Variants in CUL3 observed in about 807,000 individuals in gnomAD.
CUL3 encodes cullin 3, also known as cullin-3.
CUL3 carries 19 observed loss-of-function variants against 89.1 expected under a neutral mutation model. The observed-to-expected ratio is 0.21, with a 90% CI of 0.15 to 0.31. The LOEUF is 0.31. CUL3 is among the 10% of genes least tolerant of loss of function. The pLI, the probability that CUL3 is intolerant of heterozygous loss-of-function variation, is 1.00. For missense variants in CUL3, 469 were observed against 942.3 expected, an observed-to-expected ratio of 0.50 and a Z score of 6.58; for synonymous variants, 351 against 308.4, an observed-to-expected ratio of 1.14 and a Z score of -1.45.
At chr2:224,476,990 G>C (rs886357721) in intron 15 of CUL3, among the ~76,000 whole-genome samples, 6 of 151,970 alleles carry the variant, frequency 3.9e-5, no homozygotes, top group African/African-American at 1.4e-4. Context: ...CCACTTTCAC[G>C]AGTCCAATGA....
intron 4 of CUL3, among the ~76,000 whole-genome samples, chr2:224,514,124 T>C (rs879335677): frequency 3.2e-4 from 49 of 152,252 alleles, no homozygotes; most frequent in Admixed American, 3.2e-3. Flanking sequence ...AATCATGCAT[T>C]TCAAGCCACT....
chr2:224,472,064 TAAAC>T lies in CUL3; in HGVS notation c.*2177_*2180del, dbSNP rs2106127770. On this transcript the variant is annotated 3_prime_UTR_variant, in exon 16 of 16. Transcript: ENST00000264414. Reference sequence around the variant, plus strand: ...AATAATACTTATGCAGTCAAACATATAAACATTTTGTGTGACCAGTTTTTTCAGT... The same window carrying T: ...AATAATACTTATGCAGTCAAACATATATTTTGTGTGACCAGTTTTTTCAGT... 3 of 230,704 alleles carry T rather than the reference TAAAC, an allele frequency of 1.3e-5. No individual in the cohort carries two copies. In the East Asian group the frequency reaches 1.9e-4, roughly 14 times the overall value. The allele number at this position is 230,704 out of a possible 1,614,324, so 14.3% of individuals were successfully genotyped here. A position where few individuals can be genotyped will look rare whatever the true frequency, so the allele number is the denominator to read the frequency against.
chr2:224,521,738 C>T (rs768789809), intron 3 of CUL3, among the ~76,000 whole-genome samples: 16 of 151,538 alleles, frequency 1.1e-4, no homozygotes, highest in African/African-American at 1.9e-4. Flanking sequence ...TTTATTAGTA[C>T]TTATTCATCT....
intron 3 of CUL3, among the ~76,000 whole-genome samples, chr2:224,520,360 C>T (rs909658255): frequency 6.6e-6 from 1 of 152,218 alleles, no homozygotes; most frequent in Non-Finnish European, 1.5e-5. Context: ...CCTCATGCCC[C>T]CCTTTTCACA....
chr2:224,506,195 T>C (rs763042133), intron 7 of CUL3, 63 bp from the exon 8 acceptor site: 2 of 1,060,552 alleles, frequency 1.9e-6, no homozygotes, highest in Non-Finnish European at 2.6e-6. Context: ...AATACACTTA[T>C]GACCATGTAT....
At chr2:224,522,492 C>T (rs1693303971) in intron 3 of CUL3, among the ~76,000 whole-genome samples, 1 of 152,096 alleles carries the variant, frequency 6.6e-6, no homozygotes, top group African/African-American at 2.4e-5. Flanking sequence ...GGTAGAGAAG[C>T]ATATGATATG....
chr2:224,476,130 T>A (rs1282516764), intron 15 of CUL3, among the ~76,000 whole-genome samples: 2 of 151,920 alleles, frequency 1.3e-5, no homozygotes, highest in Non-Finnish European at 2.9e-5. Context: ...TTCAAGCAAT[T>A]CTCCTGCCTC....
intron 1 of CUL3, among the ~76,000 whole-genome samples, chr2:224,569,336 C>A (rs989488337): frequency 6.6e-6 from 1 of 152,156 alleles, no homozygotes; most frequent in Non-Finnish European, 1.5e-5. Context: ...CCCAAGAAGG[C>A]CAAGTTACAA....
chr2:224,574,691 T>C (rs753304265), intron 1 of CUL3, among the ~76,000 whole-genome samples: 10 of 152,200 alleles, frequency 6.6e-5, no homozygotes, highest in Non-Finnish European at 1.5e-4. Context: ...AACAGAATTA[T>C]AGTTGAAAAT....
intron 2 of CUL3, chr2:224,556,220 G>A (rs1337667019): frequency 3.9e-5 from 6 of 152,058 alleles, no homozygotes; most frequent in Admixed American, 3.9e-4. Context: ...AAAGTTTCTA[G>A]GGAACAGGAT....
At chr2:224,521,624 T>C (rs897117222) in intron 3 of CUL3, among the ~76,000 whole-genome samples, 1 of 151,948 alleles carries the variant, frequency 6.6e-6, no homozygotes, top group Non-Finnish European at 1.5e-5. Flanking sequence ...AGAGTTGGGG[T>C]TTCACCATGT....
At chr2:224,475,344 A>C (rs1691277174) in intron 15 of CUL3, among the ~76,000 whole-genome samples, 1 of 152,202 alleles carries the variant, frequency 6.6e-6, no homozygotes, top group Non-Finnish European at 1.5e-5. Flanking sequence ...CCTGCAAAAT[A>C]AGTTGTCTCA....
In CUL3 at chr2:224,503,536, A is replaced by T. The variant is rs992678188; in HGVS notation, c.1377+116T>A. The T allele has an allele frequency of 2.1e-4, 189 of 885,464 alleles. 2 individuals are homozygous for T. The highest frequency in any genetic ancestry group is 1.8e-4 in the Admixed American group (5 of 28,004). 54.9% of individuals were successfully genotyped at this position (885,464 alleles called of 1,614,324 possible). ...TTCTTCTCCAAAACAATCTACCTTT[A>T]TTTCTAGAAATAAACACTTAATAAT... On this transcript the variant is annotated intron_variant, in intron 9 of 15. Transcript: ENST00000264414.
rs553917063 is a variant in CUL3, at chr2:224,482,756, T to C, written c.1843-678A>G. 1.6e-4 allele frequency among the ~76,000 whole-genome samples: 24 copies of C among 152,346 alleles called. 1 individual carries two copies. Among genetic ancestry groups the C allele is most frequent in the African/African-American group, 5.3e-4 (22 of 41,592 alleles). On this transcript the variant is annotated intron_variant, in intron 13 of 15. Transcript: ENST00000264414. Reference sequence around the variant, plus strand: ...CTCAGGAAAGAATGCTGTGTAATTTTAAATTCACTATTCTGTCAGTGGGAC... The same window carrying C: ...CTCAGGAAAGAATGCTGTGTAATTTCAAATTCACTATTCTGTCAGTGGGAC...
At chr2:224,538,978 G>A (rs1693990772) in intron 2 of CUL3, among the ~76,000 whole-genome samples, 1 of 152,004 alleles carries the variant, frequency 6.6e-6, no homozygotes, top group Admixed American at 6.6e-5. Flanking sequence ...GCAAGCCTGG[G>A]CAACACAGCA....
chr2:224,567,049 C>G (rs1408772456), intron 1 of CUL3, among the ~76,000 whole-genome samples: 1 of 152,140 alleles, frequency 6.6e-6, no homozygotes, highest in African/African-American at 2.4e-5. Context: ...GGGAGCACTT[C>G]CAGGTTCACT....
At chr2:224,530,218 A>G (rs973430459) in intron 3 of CUL3, among the ~76,000 whole-genome samples, 5 of 152,134 alleles carry the variant, frequency 3.3e-5, no homozygotes, top group South Asian at 2.1e-4. Context: ...CAGCCTGGGC[A>G]ACAGAGTGAG....
intron 1 of CUL3, among the ~76,000 whole-genome samples, chr2:224,570,496 T>C (rs558618056): frequency 1.0e-3 from 157 of 152,334 alleles, no homozygotes; most frequent in African/African-American, 3.6e-3. Flanking sequence ...TGTTTCTTCC[T>C]TGCCTATGTA....
intron 1 of CUL3, among the ~76,000 whole-genome samples, chr2:224,582,839 G>C (rs553307933): frequency 2.0e-5 from 3 of 152,240 alleles, no homozygotes; most frequent in South Asian, 4.2e-4. Context: ...ACAGTGCCTG[G>C]CACATAATAT....
Sources: gnomAD v4.1 joint callset for allele counts (sites outside exome capture counted in the v4.1 genomes callset) on GRCh38, gnomAD v4.1.1 for gene constraint, MANE v1.5 for transcripts, NCBI Gene and HGNC (gene_info 2026-07-23, HGNC 2026-07-21) for gene names.